TSGA10: variants seen among roughly 807,000 people sequenced by gnomAD.
TSGA10 encodes testis-specific gene 10 protein.
A neutral mutation model predicts 96.6 loss-of-function variants in TSGA10; 43 were observed. The ratio of observed to expected loss-of-function variants is 0.44; its 90% CI spans 0.35 to 0.57. The LOEUF (loss-of-function observed/expected upper bound fraction) is 0.57. Ranked by LOEUF, TSGA10 falls within the 20% of genes least tolerant of loss-of-function variation. TSGA10 has a pLI of 0.01. For synonymous variants in TSGA10, 229 were observed against 269.9 expected (o/e 0.85, Z 1.48); for missense variants, 703 against 834.4 (o/e 0.84, Z 1.94).
chr2:99,107,361 A>AT (rs2091443103), intron 7 of TSGA10, among the ~76,000 whole-genome samples: 1 of 152,214 alleles, frequency 6.6e-6, no homozygotes, highest in East Asian at 1.9e-4. Context: ...AAATAAGAAG[A>AT]CAGTATAGAA....
At chr2:99,020,148 G>T in intron 18 of TSGA10, 132 bp downstream of exon 18, 2 of 683,746 alleles carry the variant, frequency 2.9e-6, no homozygotes, top group Non-Finnish European at 4.9e-6. Flanking sequence ...CCACCTCTTA[G>T]GCAAATCACA....
At chr2:99,113,086 A>C (rs2091955050) in intron 4 of TSGA10, among the ~76,000 whole-genome samples, 1 of 151,990 alleles carries the variant, frequency 6.6e-6, no homozygotes, top group Non-Finnish European at 1.5e-5. Context: ...TGTCATGTTC[A>C]ATTATCTGGG....
intron 3 of TSGA10, 85 bp from the exon 4 acceptor site, chr2:99,117,844 G>C: frequency 8.0e-6 from 5 of 624,020 alleles, no homozygotes; most frequent in Non-Finnish European, 1.0e-5. Flanking sequence ...ATCAGGAAGG[G>C]AGATTTGCTT....
rs2085097925 is a variant in TSGA10 at position 99,064,943 on chromosome 2, T to C, written c.1400A>G (p.Glu467Gly). The change falls in exon 16 of 21, where the codon GAG becomes GGG. Residue 467 changes from glutamate to glycine, a missense_variant. Around this residue, in one of 3 missense-constraint regions of TSGA10, gnomAD observed 585 missense variants for 656.8 expected, o/e 0.89. Coordinates refer to ENST00000393483, the MANE Select transcript of TSGA10 (RefSeq NM_025244.4). Reference protein sequence around the residue: ...EKVDSLNREVEQHLNAERSYK... With the variant: ...EKVDSLNREVGQHLNAERSYK... ...AGCATATTTTTCCAAACTTACTTGC[T>C]CAACCTCTCTGTTGAGGGAATCTAC... The C allele has an allele frequency of 6.3e-7, 1 of 1,582,360 alleles. No homozygotes were observed. The highest frequency in any genetic ancestry group is 8.6e-7 in the Non-Finnish European group (1 of 1,167,428).
intron 7 of TSGA10, 89 bp downstream of exon 7, chr2:99,108,744 T>A: frequency 1.1e-6 from 1 of 920,056 alleles, no homozygotes; most frequent in Non-Finnish European, 1.5e-6. Context: ...GATTTGCAGG[T>A]TTAAGCAGTC....
intron 17 of TSGA10, among the ~76,000 whole-genome samples, chr2:99,024,788 G>A (rs1412784727): frequency 6.6e-6 from 1 of 152,104 alleles, no homozygotes; most frequent in Admixed American, 6.5e-5. Context: ...TTTTTCACAG[G>A]TGCCCTTTAT....
chr2:99,090,101 A>T (rs2089114347), intron 10 of TSGA10, among the ~76,000 whole-genome samples: 1 of 151,552 alleles, frequency 6.6e-6, no homozygotes, highest in African/African-American at 2.4e-5. Flanking sequence ...CTGTACAAAC[A>T]CCCCCCAGTA....
intron 17 of TSGA10, among the ~76,000 whole-genome samples, chr2:99,032,710 C>G (rs1392015313): frequency 6.6e-6 from 1 of 152,148 alleles, no homozygotes; most frequent in African/African-American, 2.4e-5. Flanking sequence ...ATCCTGCCTA[C>G]TGATAAGGAT....
intron 17 of TSGA10, among the ~76,000 whole-genome samples, chr2:99,024,012 T>C (rs900944087): frequency 7.2e-5 from 11 of 152,184 alleles, no homozygotes; most frequent in African/African-American, 2.7e-4. Flanking sequence ...TTCTGGCCCA[T>C]GAACATGGGA....
At chr2:99,116,274 A>G (rs1297759087) in intron 4 of TSGA10, among the ~76,000 whole-genome samples, 1 of 152,242 alleles carries the variant, frequency 6.6e-6, no homozygotes, top group Non-Finnish European at 1.5e-5. Flanking sequence ...CTTATCAGCC[A>G]TTAGGCAGCA....
chr2:99,108,794 A>T, intron 7 of TSGA10, 39 bp downstream of exon 7: 1 of 1,420,386 alleles, frequency 7.0e-7, no homozygotes, highest in Non-Finnish European at 9.4e-7. Context: ...TCTAGAACTC[A>T]ATGTTATTAC....
intron 14 of TSGA10, among the ~76,000 whole-genome samples, chr2:99,069,479 G>A (rs1270910492): frequency 2.0e-5 from 3 of 151,716 alleles, no homozygotes; most frequent in Non-Finnish European, 2.9e-5. Flanking sequence ...TGGCACATGG[G>A]GATTCATTAT....
intron 20 of TSGA10, among the ~76,000 whole-genome samples, chr2:99,006,461 A>C (rs2078482980): frequency 6.6e-6 from 1 of 152,218 alleles, no homozygotes; most frequent in Non-Finnish European, 1.5e-5. Flanking sequence ...AAAAACAAAC[A>C]ACCCCATCAA....
Position 99,001,038 on chromosome 2 carries a change from G to A in TSGA10, c.2073-2817C>T, listed in dbSNP as rs564134906. On this transcript the variant is annotated intron_variant, in intron 20 of 20. Coordinates refer to ENST00000393483, the MANE Select transcript of TSGA10 (RefSeq NM_025244.4). ...GCCTATCTCTGTAGACTTCACCTCT[G>A]GGGACAGGGCATAGCTGAACAAAAG... 1.2e-4 allele frequency among the ~76,000 whole-genome samples: 19 copies of A among 152,340 alleles called. No individual in the cohort carries two copies. In the South Asian group the frequency reaches 2.3e-3, roughly 18 times the overall value.
chr2:99,027,522 A>G (rs763554531), intron 17 of TSGA10, among the ~76,000 whole-genome samples: 12 of 152,318 alleles, frequency 7.9e-5, no homozygotes, highest in Admixed American at 3.3e-4. Flanking sequence ...CAAAATTGCT[A>G]AAAGAATAAA....
At position 98,998,113 on chromosome 2, in the gene TSGA10, G is replaced by A. The variant is rs1203486559; in HGVS notation, c.*84C>T. 3 of 1,140,780 alleles carry A rather than the reference G, an allele frequency of 2.6e-6. No individual in the cohort carries two copies. Among genetic ancestry groups the A allele is most frequent in the Non-Finnish European group, 3.8e-6 (3 of 781,924 alleles). 70.7% of individuals were successfully genotyped at this position (1,140,780 alleles called of 1,614,324 possible). On this transcript the variant is annotated 3_prime_UTR_variant, in exon 21 of 21. Coordinates refer to ENST00000393483, the MANE Select transcript of TSGA10 (RefSeq NM_025244.4). ...ATTTAACATTGCCAAGCATTTAAAA[G>A]ATAAATGCACTCATGTAGCAAAAAA... is the stretch of plus-strand genomic sequence containing the variant.
rs5832864 is a variant in TSGA10 at position 99,035,619 on chromosome 2, C to CTT, written c.1405-182_1405-181dup. ...AGTCTAAGATAAATTCAGGTTTTGA[C>CTT]TTTTTTTTTTTTTACATAAAATTCA... On this transcript the variant is annotated intron_variant, in intron 16 of 20. Transcript: ENST00000393483. Among the ~76,000 whole-genome samples, 131 of 143,418 alleles carry CTT rather than the reference C, an allele frequency of 9.1e-4. 1 individual carries two copies. The highest frequency in any genetic ancestry group is 2.6e-3 in the African/African-American group (101 of 39,306). 94.1% of individuals were successfully genotyped at this position (143,418 alleles called of 152,430 possible). A position where few individuals can be genotyped will look rare whatever the true frequency, so the allele number is the denominator to read the frequency against.
At chr2:99,128,818 G>A (rs767836233) in intron 1 of TSGA10, among the ~76,000 whole-genome samples, 13 of 152,108 alleles carry the variant, frequency 8.5e-5, no homozygotes, top group Non-Finnish European at 1.8e-4. Context: ...GCATGATCAC[G>A]GCTCACTGCA....
intron 20 of TSGA10, among the ~76,000 whole-genome samples, chr2:99,004,964 C>T (rs1226540170): frequency 6.6e-6 from 1 of 152,192 alleles, no homozygotes; most frequent in East Asian, 1.9e-4. Context: ...GGGCTTCATC[C>T]CTGGGATGCA....
Sources: allele counts gnomAD v4.1 joint callset (sites outside exome capture counted in the v4.1 genomes callset), GRCh38; gene constraint gnomAD v4.1.1; regional missense constraint gnomAD v4.1.1; transcripts MANE v1.5; gene names NCBI Gene and HGNC (gene_info 2026-07-23, HGNC 2026-07-21).